TMEM178B: variants seen among roughly 807,000 people sequenced by gnomAD.
TMEM178B encodes transmembrane protein 178B.
In TMEM178B, 5 loss-of-function variants were observed where a neutral mutation model predicts 31.0. The ratio of observed to expected loss-of-function variants is 0.16; its 90% CI spans 0.08 to 0.34. The LOEUF is 0.34. Ranked by LOEUF, TMEM178B falls within the 10% of genes least tolerant of loss-of-function variation. The pLI is 1.00. For synonymous variants in TMEM178B, 164 were observed against 164.0 expected (o/e 1.00, Z 0.00); for missense variants, 275 against 400.3 (o/e 0.69, Z 2.67).
intron 3 of TMEM178B, among the ~76,000 whole-genome samples, chr7:141,444,804 G>C (rs372745019): frequency 6.6e-6 from 1 of 151,962 alleles, no homozygotes; most frequent in African/African-American, 2.4e-5. Context: ...GGCACCCCGT[G>C]TTGAAGATCT....
chr7:141,280,740 T>C (rs1424421334), intron 2 of TMEM178B, among the ~76,000 whole-genome samples: 1 of 152,080 alleles, frequency 6.6e-6, no homozygotes, highest in Non-Finnish European at 1.5e-5. Flanking sequence ...GACACTTTTT[T>C]CCTCCTAGCA....
intron 1 of TMEM178B, among the ~76,000 whole-genome samples, chr7:141,134,077 A>T (rs1795636323): frequency 1.3e-5 from 2 of 152,096 alleles, no homozygotes; most frequent in African/African-American, 4.8e-5. Flanking sequence ...TGTACAAAAA[A>T]TAAAAACATT....
intron 2 of TMEM178B, among the ~76,000 whole-genome samples, chr7:141,352,981 T>C (rs1486343212): frequency 6.6e-6 from 1 of 152,198 alleles, no homozygotes; most frequent in Non-Finnish European, 1.5e-5. Context: ...CATTCACAGT[T>C]GTTTTCAAAT....
At chr7:141,186,433 G>A (rs1251774411) in intron 1 of TMEM178B, among the ~76,000 whole-genome samples, 4 of 152,140 alleles carry the variant, frequency 2.6e-5, no homozygotes, top group Admixed American at 2.6e-4. Flanking sequence ...TCCTCTCGGG[G>A]CCTCTGCTCC....
chr7:141,135,002 T>C (rs1266992683), intron 1 of TMEM178B, among the ~76,000 whole-genome samples: 1 of 152,132 alleles, frequency 6.6e-6, no homozygotes, highest in Non-Finnish European at 1.5e-5. Flanking sequence ...GATCTGATGG[T>C]TTTAAAAATC....
chr7:141,275,853 C>T (rs1238162433), intron 2 of TMEM178B, among the ~76,000 whole-genome samples: 1 of 152,172 alleles, frequency 6.6e-6, no homozygotes, highest in Non-Finnish European at 1.5e-5. Context: ...AGCCTGGAAG[C>T]ATCATTGCTG....
At chr7:141,141,937 C>T (rs977977454) in intron 1 of TMEM178B, among the ~76,000 whole-genome samples, 4 of 152,128 alleles carry the variant, frequency 2.6e-5, no homozygotes, top group African/African-American at 9.7e-5. Flanking sequence ...ATAATTTCAA[C>T]TTCTATTTTA....
At chr7:141,295,661 G>A (rs1216786597) in intron 2 of TMEM178B, among the ~76,000 whole-genome samples, 1 of 152,120 alleles carries the variant, frequency 6.6e-6, no homozygotes, top group Non-Finnish European at 1.5e-5. Flanking sequence ...CCTTGCCTTT[G>A]GTTTCTGCAG....
intron 2 of TMEM178B, among the ~76,000 whole-genome samples, chr7:141,220,979 T>C (rs558180463): frequency 6.6e-6 from 1 of 152,222 alleles, no homozygotes; most frequent in Non-Finnish European, 1.5e-5. Flanking sequence ...AAATTACTTG[T>C]TGCTTAATGT....
At position 141,344,075 on chromosome 7, in the gene TMEM178B, C is replaced by G. The variant is rs978359003; in HGVS notation, c.497-93533C>G. Among the ~76,000 whole-genome samples the G allele has an allele frequency of 1.3e-5, 2 of 152,146 alleles. No homozygotes were observed. The highest frequency in any genetic ancestry group is 4.8e-5 in the African/African-American group (2 of 41,430). Reference sequence around the variant, plus strand: ...ATACGGAGTATATGAGATATTGGCTCCTCACTATATGCTGATCTAAAATTC... The same window carrying G: ...ATACGGAGTATATGAGATATTGGCTGCTCACTATATGCTGATCTAAAATTC... On this transcript the variant is annotated intron_variant, in intron 2 of 3. Transcript: ENST00000565468. This position sits in a 1 kb window ranked among gnomAD's most constrained non-coding sequence, Gnocchi z 4.1.
At chr7:141,192,324 G>A (rs1563113088) in intron 1 of TMEM178B, among the ~76,000 whole-genome samples, 2 of 152,100 alleles carry the variant, frequency 1.3e-5, no homozygotes, top group Admixed American at 6.6e-5. Context: ...GATAAGGACC[G>A]TCAGGGTGTG....
chr7:141,283,202 G>C (rs1313463575), intron 2 of TMEM178B, among the ~76,000 whole-genome samples: 1 of 152,184 alleles, frequency 6.6e-6, no homozygotes, highest in Non-Finnish European at 1.5e-5. Flanking sequence ...TTATTTGTCA[G>C]CAAAGGGAGG....
the TMEM178B span, among the ~76,000 whole-genome samples, chr7:141,489,404 T>C: frequency 3.9e-5 from 6 of 152,248 alleles, no homozygotes; most frequent in African/African-American, 1.4e-4. Flanking sequence ...AGCTGCCGGT[T>C]GGCTTCTTCT....
chr7:141,458,825 A>C (rs1483710768), intron 3 of TMEM178B, among the ~76,000 whole-genome samples: 1 of 152,228 alleles, frequency 6.6e-6, no homozygotes, highest in Non-Finnish European at 1.5e-5. Context: ...CAAGGTGTCC[A>C]TTGAAACACA....
intron 2 of TMEM178B, among the ~76,000 whole-genome samples, chr7:141,396,508 C>T (rs1042293667): frequency 6.7e-6 from 1 of 148,380 alleles, no homozygotes; most frequent in African/African-American, 2.5e-5. Context: ...GTCTGGGCCT[C>T]TCATACTGCA....
intron 2 of TMEM178B, among the ~76,000 whole-genome samples, chr7:141,413,473 T>A (rs918559565): frequency 9.2e-5 from 14 of 152,234 alleles, no homozygotes; most frequent in Non-Finnish European, 1.6e-4. Flanking sequence ...CTTCTGCCCA[T>A]GCGTATTGTC....
chr7:141,202,216 A>G (rs911351296), intron 1 of TMEM178B, among the ~76,000 whole-genome samples: 10 of 152,366 alleles, frequency 6.6e-5, no homozygotes, highest in African/African-American at 2.2e-4. Context: ...TTTGACCATC[A>G]GGACCACAAA....
rs572121228 is a variant in TMEM178B at position 141,111,118 on chromosome 7, G to C, written c.382+36426G>C. Among the ~76,000 whole-genome samples, 4 of 152,304 alleles carry C rather than the reference G, an allele frequency of 2.6e-5. No homozygotes were observed. The South Asian group carries it at 8.3e-4, about 32-fold the overall frequency. On this transcript the variant is annotated intron_variant, in intron 1 of 3. Coordinates refer to ENST00000565468, the MANE Select transcript of TMEM178B (RefSeq NM_001195278.2). ...ATACCCAGTAATTTATAAAGAAAAA[G>C]AGGTTTAATGGACTCACAGTTCCAC...
At chr7:141,143,280 A>G (rs922931622) in intron 1 of TMEM178B, among the ~76,000 whole-genome samples, 1 of 152,232 alleles carries the variant, frequency 6.6e-6, no homozygotes, top group Non-Finnish European at 1.5e-5. Flanking sequence ...TTAGTCATAC[A>G]TTCTTTCTCA....
Sources: allele counts gnomAD v4.1 joint callset (sites outside exome capture counted in the v4.1 genomes callset), GRCh38; gene constraint gnomAD v4.1.1; non-coding constraint Gnocchi (gnomAD v3.1); transcripts MANE v1.5; gene names NCBI Gene and HGNC (gene_info 2026-07-23, HGNC 2026-07-21).